NALCN: variants seen among roughly 807,000 people sequenced by gnomAD.
NALCN encodes sodium leak channel NALCN.
A neutral mutation model predicts 225.3 loss-of-function variants in NALCN; 111 were observed. The ratio of observed to expected loss-of-function variants is 0.49; its 90% CI spans 0.42 to 0.58. The LOEUF (loss-of-function observed/expected upper bound fraction) is 0.58, where lower values mean the gene tolerates loss of function less well. Ranked by LOEUF, NALCN falls within the 20% of genes least tolerant of loss-of-function variation. The pLI is 0.00. For synonymous variants in NALCN, 764 were observed against 769.0 expected (o/e 0.99, Z 0.11); for missense variants, 1,378 against 2,202.4 (o/e 0.63, Z 7.49).
chr13:101,066,045 A>ATAAC (rs1449101780), intron 39 of NALCN, among the ~76,000 whole-genome samples: 3 of 152,184 alleles, frequency 2.0e-5, no homozygotes, highest in Non-Finnish European at 2.9e-5. Flanking sequence ...CCATTAAAAG[A>ATAAC]TAACTCGTGT....
intron 15 of NALCN, among the ~76,000 whole-genome samples, chr13:101,145,853 C>A (rs1048924021): frequency 2.0e-5 from 3 of 152,046 alleles, no homozygotes; most frequent in African/African-American, 4.8e-5. Flanking sequence ...TTCAGGCTGC[C>A]TTTTTGGAGG....
Position 101,378,652 on chromosome 13 carries a change from C to T in NALCN, c.293G>A (p.Gly98Glu). Residue 98 changes from glycine (G) to glutamate (E), a missense_variant and splice_region_variant, in exon 4 of 44, where the codon GGG (glycine) becomes GAG (glutamate). Gly to Glu is a moderately conservative substitution (Grantham distance 98). Coordinates refer to ENST00000251127, the MANE Select transcript of NALCN (RefSeq NM_052867.4). ...GCGATCTTTCACATAGGAACTATCC[C>T]CCTAAAAATAAATTTTACATGGCAT... The part of the protein sequence containing the change: ...AKMHIRGIVK[G>E]DSSYVKDRWC... 2.5e-6 allele frequency: 4 copies of T among 1,604,264 alleles called. No homozygotes were observed. Among genetic ancestry groups the T allele is most frequent in the Non-Finnish European group, 3.4e-6 (4 of 1,174,814 alleles).
chr13:101,238,344 TTTAAAAG>T (rs2041639709), intron 11 of NALCN, among the ~76,000 whole-genome samples: 2 of 151,916 alleles, frequency 1.3e-5, no homozygotes, highest in Non-Finnish European at 2.9e-5. Flanking sequence ...TAAACTAAAA[TTTAAAAG>T]TTAAAATATC....
chr13:101,223,208 C>T (rs1431361251), intron 13 of NALCN, among the ~76,000 whole-genome samples: 1 of 152,120 alleles, frequency 6.6e-6, no homozygotes, highest in African/African-American at 2.4e-5. Flanking sequence ...ACACATAACC[C>T]CAGATATAAA....
At chr13:101,320,700 T>A (rs1404732026) in intron 7 of NALCN, among the ~76,000 whole-genome samples, 3 of 139,338 alleles carry the variant, frequency 2.2e-5, no homozygotes, top group African/African-American at 5.4e-5. Context: ...AGGGTTTTTG[T>A]TAGTGACTGC....
At chr13:101,198,778 A>T (rs2039992531) in intron 13 of NALCN, among the ~76,000 whole-genome samples, 7 of 152,220 alleles carry the variant, frequency 4.6e-5, no homozygotes, top group Admixed American at 4.6e-4. Context: ...TGACCCAGCC[A>T]TCCCATTACT....
At chr13:101,067,703 A>G (rs1192101677) in intron 39 of NALCN, among the ~76,000 whole-genome samples, 1 of 152,180 alleles carries the variant, frequency 6.6e-6, no homozygotes, top group Non-Finnish European at 1.5e-5. Context: ...GAAAGTCTGA[A>G]GAAGAGGATG....
intron 18 of NALCN, among the ~76,000 whole-genome samples, chr13:101,114,416 G>C (rs2035598756): frequency 6.7e-6 from 1 of 149,018 alleles, no homozygotes; most frequent in African/African-American, 2.5e-5. Flanking sequence ...ACTCTACATA[G>C]CATATTCATT....
At chr13:101,274,524 T>C (rs2042911169) in intron 10 of NALCN, among the ~76,000 whole-genome samples, 1 of 152,228 alleles carries the variant, frequency 6.6e-6, no homozygotes, top group Non-Finnish European at 1.5e-5. Context: ...TAATACCTAA[T>C]AAAACACACA....
intron 7 of NALCN, among the ~76,000 whole-genome samples, chr13:101,335,470 T>G (rs2045348598): frequency 6.6e-6 from 1 of 152,112 alleles, no homozygotes; most frequent in Non-Finnish European, 1.5e-5. Flanking sequence ...TCACAAATAT[T>G]CCTCATAGGA....
At chr13:101,272,183 C>T (rs1303452618) in intron 10 of NALCN, among the ~76,000 whole-genome samples, 2 of 151,740 alleles carry the variant, frequency 1.3e-5, no homozygotes, top group African/African-American at 4.8e-5. Context: ...TGTGTGTACA[C>T]ATGCATGCTG....
chr13:101,376,648 A>C, intron 6 of NALCN, 52 bp downstream of exon 6: 1 of 1,546,046 alleles, frequency 6.5e-7, no homozygotes, highest in Admixed American at 2.1e-5. Context: ...AAAATTACAG[A>C]GATATCTTTG....
chr13:101,185,358 A>G (rs1355893999), intron 14 of NALCN, among the ~76,000 whole-genome samples: 1 of 152,240 alleles, frequency 6.6e-6, no homozygotes, highest in Non-Finnish European at 1.5e-5. Context: ...TTCAAAGGTA[A>G]CAAAAAGACT....
chr13:101,269,658 A>G (rs927282813), intron 10 of NALCN, among the ~76,000 whole-genome samples: 3 of 152,200 alleles, frequency 2.0e-5, no homozygotes, highest in Admixed American at 6.5e-5. Flanking sequence ...TGTTGCTTCA[A>G]GTAATATGAT....
chr13:101,199,689 A>T (rs1193259741), intron 13 of NALCN, among the ~76,000 whole-genome samples: 1 of 150,960 alleles, frequency 6.6e-6, no homozygotes, highest in Non-Finnish European at 1.5e-5. Flanking sequence ...TAGGAGATAT[A>T]GCTAATGTAA....
intron 14 of NALCN, among the ~76,000 whole-genome samples, chr13:101,179,643 T>C (rs937372902): frequency 1.9e-4 from 29 of 152,312 alleles, no homozygotes; most frequent in Non-Finnish European, 1.5e-4. Flanking sequence ...GATGAGGCTG[T>C]ACAGGGGGTT....
At chr13:101,154,782 A>G (rs888259601) in intron 15 of NALCN, among the ~76,000 whole-genome samples, 2 of 152,218 alleles carry the variant, frequency 1.3e-5, no homozygotes, top group Admixed American at 6.5e-5. Flanking sequence ...TAGAGCCTTT[A>G]CAATATGGAA....
At chr13:101,180,070 T>C (rs2039131102) in intron 14 of NALCN, among the ~76,000 whole-genome samples, 1 of 152,178 alleles carries the variant, frequency 6.6e-6, no homozygotes, top group Admixed American at 6.5e-5. Flanking sequence ...GATGATCTCA[T>C]CACAAGATCC....
chr13:101,218,432 G>C (rs568882101), intron 13 of NALCN, among the ~76,000 whole-genome samples: 5 of 152,226 alleles, frequency 3.3e-5, no homozygotes, highest in African/African-American at 1.2e-4. Flanking sequence ...TGTATCTTAC[G>C]GCTTCTGGTG....
Sources: allele counts gnomAD v4.1 joint callset (sites outside exome capture counted in the v4.1 genomes callset), GRCh38; gene constraint gnomAD v4.1.1; transcripts MANE v1.5; gene names NCBI Gene and HGNC (gene_info 2026-07-23, HGNC 2026-07-21).